TUBA8: variants seen among roughly 807,000 people sequenced by gnomAD.
TUBA8 encodes tubulin alpha-8 chain.
A neutral mutation model predicts 34.7 loss-of-function variants in TUBA8; 29 were observed. The ratio of observed to expected loss-of-function variants is 0.84; its 90% CI spans 0.62 to 1.14. TUBA8 has a LOEUF of 1.14. Ranked by LOEUF, TUBA8 falls within the 50% of genes most tolerant of loss-of-function variation. The pLI is 0.00. For missense variants in TUBA8, 541 were observed against 599.2 expected, an observed-to-expected ratio of 0.90 and a Z score of 1.01; for synonymous variants, 226 against 231.2, an observed-to-expected ratio of 0.98 and a Z score of 0.21.
Position 18,111,085 on chromosome 22 carries a change from C to T in TUBA8, c.3+217C>T. 1 of 681,006 alleles carries T rather than the reference C, an allele frequency of 1.5e-6. No individual in the cohort carries two copies. Among genetic ancestry groups the T allele is most frequent in the South Asian group, 1.9e-5 (1 of 53,620 alleles). The allele number at this position is 681,006 out of a possible 1,614,324, so 42.2% of individuals were successfully genotyped here. On this transcript the variant is annotated intron_variant, in intron 1 of 4. Transcript: ENST00000330423. The surrounding 1 kb of genome is among the most constrained non-coding windows in gnomAD (Gnocchi z 5.1). ...AAATAGAGACCAGGGGCCAGTTGTT[C>T]CTTAAAGGGACCTAAGGGAGCTTTG...
chr22:18,112,264 A>G (rs549708687), intron 1 of TUBA8: 2 of 152,356 alleles, frequency 1.3e-5, no homozygotes, highest in African/African-American at 4.8e-5. Context: ...AATTTCAAAC[A>G]TATGCAAACG....
chr22:18,115,459 A>G (rs1314406834), intron 1 of TUBA8: 1 of 152,220 alleles, frequency 6.6e-6, no homozygotes, highest in African/African-American at 2.4e-5. Context: ...TCCCTGTGTT[A>G]ATTGAGCACC....
intron 4 of TUBA8, chr22:18,127,394 G>GTTTTTTTTT (rs1302279460): frequency 6.8e-6 from 1 of 146,392 alleles, no homozygotes; most frequent in Non-Finnish European, 1.4e-5. Context: ...CGTTAGTTTT[G>GTTTTTTTTT]TTTTTTTTTT....
rs760936775 is a variant in TUBA8, at chr22:18,124,291, G to T, written c.362G>T (p.Arg121Leu). 6.2e-7 allele frequency: 1 copy of T among 1,613,654 alleles called. No homozygotes were observed. The highest frequency in any genetic ancestry group is 8.5e-7 in the Non-Finnish European group (1 of 1,179,844). Reference sequence around the variant, plus strand: ...GAGAGCATTGACCTGGTGCTGGACCGCATACGGAAGCTGGTAAGATCAGGA... The same window carrying T: ...GAGAGCATTGACCTGGTGCTGGACCTCATACGGAAGCTGGTAAGATCAGGA... The part of the protein sequence containing the change: ...GKESIDLVLD[R>L]IRKLTDACSG... Residue 121 changes from arginine to leucine, a missense_variant, in exon 3 of 5, where the codon CGC (arginine) becomes CTC (leucine). Coordinates refer to ENST00000330423, the MANE Select transcript of TUBA8 (RefSeq NM_018943.3). The surrounding 1 kb of genome is among the most constrained non-coding windows in gnomAD (Gnocchi z 4.3).
intron 4 of TUBA8, chr22:18,128,699 A>T (rs894197619): frequency 3.3e-5 from 5 of 152,184 alleles, no homozygotes; most frequent in African/African-American, 9.7e-5. Flanking sequence ...GGCATGCACC[A>T]CCACGCCTGG....
chr22:18,121,722 C>T lies in TUBA8; in HGVS notation c.226+21C>T. On this transcript the variant is annotated intron_variant, in intron 2 of 4. Transcript: ENST00000330423. This position sits in a 1 kb window ranked among gnomAD's most constrained non-coding sequence, Gnocchi z 4.8. ...AGTGGGTGAGTGGGGGCGGAGTTCC[C>T]CTCCACAGAGAACATCTCGAAACTG... The T allele has an allele frequency of 1.2e-6, 2 of 1,608,818 alleles. No individual in the cohort carries two copies. Among genetic ancestry groups the T allele is most frequent in the African/African-American group, 2.7e-5 (2 of 74,918 alleles).
At position 18,124,490 on chromosome 22, in the gene TUBA8, T is replaced by C; in HGVS notation, c.375+186T>C. ...CAGGGGTGATGCCCCTTCCTCTGTG[T>C]TGGCATCATAGACTGTGTTCCAGGC... On this transcript the variant is annotated intron_variant, in intron 3 of 4. Transcript: ENST00000330423. This position sits in a 1 kb window ranked among gnomAD's most constrained non-coding sequence, Gnocchi z 4.3. The C allele has an allele frequency of 1.5e-6, 1 of 660,804 alleles. No homozygotes were observed. The highest frequency in any genetic ancestry group is 2.5e-6 in the Non-Finnish European group (1 of 396,842). 40.9% of individuals were successfully genotyped at this position (660,804 alleles called of 1,614,324 possible).
intron 4 of TUBA8, 190 bp from the exon 5 acceptor site, chr22:18,130,653 T>C: frequency 1.5e-6 from 1 of 668,794 alleles, no homozygotes; most frequent in South Asian, 1.8e-5. Flanking sequence ...TTCCACTTTC[T>C]CTTCAGCTTC....
rs773155638 is a variant in TUBA8 at position 18,126,589 on chromosome 22, T to A, written c.611T>A (p.Val204Glu). 2.5e-6 allele frequency: 4 copies of A among 1,614,058 alleles called. No individual in the cohort carries two copies. In the East Asian group the frequency reaches 8.9e-5, roughly 36 times the overall value. The change falls in exon 4 of 5, where the codon GTG becomes GAG. Residue 204 changes from valine to glutamate, a missense_variant. Physicochemically the swap from Val to Glu is moderately radical, Grantham distance 121. Coordinates refer to ENST00000330423, the MANE Select transcript of TUBA8 (RefSeq NM_018943.3). The surrounding 1 kb of genome is among the most constrained non-coding windows in gnomAD (Gnocchi z 4.0). ...GAACATTCAGATTGTGCTTTCATGG[T>A]GGACAACGAAGCCATCTATGACATC... ...TLEHSDCAFM[V>E]DNEAIYDICR...
intron 4 of TUBA8, chr22:18,127,649 T>A (rs1035532754): frequency 6.9e-6 from 1 of 144,634 alleles, no homozygotes; most frequent in African/African-American, 2.6e-5. Context: ...CGCCTTGGCC[T>A]CCCAAAGTGC....
Position 18,121,733 on chromosome 22 carries a change from A to T in TUBA8, c.226+32A>T. ...GGGGGCGGAGTTCCCCTCCACAGAG[A>T]ACATCTCGAAACTGCAGAGGCATTG... On this transcript the variant is annotated intron_variant, in intron 2 of 4. Transcript: ENST00000330423. The surrounding 1 kb of genome is among the most constrained non-coding windows in gnomAD (Gnocchi z 4.8). 1 of 1,594,836 alleles carries T rather than the reference A, an allele frequency of 6.3e-7. No homozygotes were observed. The highest frequency in any genetic ancestry group is 8.6e-7 in the Non-Finnish European group (1 of 1,163,664).
intron 1 of TUBA8, chr22:18,115,074 C>T (rs1256944925): frequency 6.6e-6 from 1 of 152,228 alleles, no homozygotes; most frequent in Non-Finnish European, 1.5e-5. Context: ...GGGCTCATGC[C>T]TCCCAGCGAG....
intron 1 of TUBA8, chr22:18,117,678 G>C (rs1928012482): frequency 6.6e-6 from 1 of 151,718 alleles, no homozygotes; most frequent in African/African-American, 2.4e-5. Context: ...GGGAGGCTGA[G>C]GCAGGAGAAT....
rs1928156931 is a variant in TUBA8 at position 18,121,723 on chromosome 22, C to T, written c.226+22C>T. The T allele has an allele frequency of 2.5e-6, 4 of 1,605,870 alleles. No homozygotes were observed. Among genetic ancestry groups the T allele is most frequent in the Non-Finnish European group, 3.4e-6 (4 of 1,173,006 alleles). On this transcript the variant is annotated intron_variant, in intron 2 of 4. Coordinates refer to ENST00000330423, the MANE Select transcript of TUBA8 (RefSeq NM_018943.3). This position sits in a 1 kb window ranked among gnomAD's most constrained non-coding sequence, Gnocchi z 4.8. ...GTGGGTGAGTGGGGGCGGAGTTCCC[C>T]TCCACAGAGAACATCTCGAAACTGC...
chr22:18,113,305 C>G (rs960632739), intron 1 of TUBA8: 1 of 152,254 alleles, frequency 6.6e-6, no homozygotes. Context: ...GAGCCACCTG[C>G]CCGTGCTGGG....
chr22:18,113,986 T>C (rs1927891602), intron 1 of TUBA8: 1 of 151,922 alleles, frequency 6.6e-6, no homozygotes, highest in South Asian at 2.1e-4. Context: ...TTAAAAATAA[T>C]TTTGGTGGGG....
chr22:18,121,704 G>GA lies in TUBA8; in HGVS notation c.226+4dup. 6.2e-7 allele frequency: 1 copy of GA among 1,613,812 alleles called. No individual in the cohort carries two copies. The highest frequency in any genetic ancestry group is 2.2e-5 in the East Asian group (1 of 44,880). Reference sequence around the variant, plus strand: ...AGATCTGGAGCCTACTGTAGTGGGTGAGTGGGGGCGGAGTTCCCCTCCACA... The same window carrying GA: ...AGATCTGGAGCCTACTGTAGTGGGTGAAGTGGGGGCGGAGTTCCCCTCCACA... On this transcript the variant is annotated splice_donor_region_variant and intron_variant, in intron 2 of 4. Coordinates refer to ENST00000330423, the MANE Select transcript of TUBA8 (RefSeq NM_018943.3). The surrounding 1 kb of genome is among the most constrained non-coding windows in gnomAD (Gnocchi z 4.8).
chr22:18,121,915 C>G lies in TUBA8; in HGVS notation c.226+214C>G. 4 of 571,360 alleles carry G rather than the reference C, an allele frequency of 7.0e-6. No individual in the cohort carries two copies. Among genetic ancestry groups the G allele is most frequent in the Middle Eastern group, 4.7e-4 (1 of 2,124 alleles). 35.4% of individuals were successfully genotyped at this position (571,360 alleles called of 1,614,324 possible). A position where few individuals can be genotyped will look rare whatever the true frequency, so the allele number is the denominator to read the frequency against. ...CAAGACTCTATGCAGAACAAAATGC[C>G]TCCCACTTCAACCCCAAAACCTGCG... is the stretch of plus-strand genomic sequence containing the variant. On this transcript the variant is annotated intron_variant, in intron 2 of 4. Transcript: ENST00000330423. This position sits in a 1 kb window ranked among gnomAD's most constrained non-coding sequence, Gnocchi z 4.8.
In TUBA8 at chr22:18,127,121, G is replaced by C. The variant is rs552856046; in HGVS notation, c.1056+87G>C. 7.9e-6 allele frequency: 11 copies of C among 1,391,408 alleles called. No homozygotes were observed. The African/African-American group carries it at 1.6e-4, about 20-fold the overall frequency. 86.2% of individuals were successfully genotyped at this position (1,391,408 alleles called of 1,614,324 possible). ...GATATGCAATTCCATGGGCGCTTCA[G>C]GCTTTATGTGATGATAAGGGGAGGG... On this transcript the variant is annotated intron_variant, in intron 4 of 4. Transcript: ENST00000330423.
Sources: gnomAD v4.1 joint callset for allele counts on GRCh38, gnomAD v4.1.1 for gene constraint, Gnocchi (gnomAD v3.1) non-coding constraint, MANE v1.5 for transcripts, NCBI Gene and HGNC (gene_info 2026-07-23, HGNC 2026-07-21) for gene names.